The following ATP8B1 variants were observed in gnomAD, a reference collection of about 807,000 sequenced individuals.
ATP8B1 encodes ATPase phospholipid transporting 8B1, also known as phospholipid-transporting ATPase IC.
In ATP8B1, 80 loss-of-function variants were observed where a neutral mutation model predicts 149.9. The observed-to-expected ratio is 0.53, with a 90% CI of 0.45 to 0.64. The LOEUF (loss-of-function observed/expected upper bound fraction) is 0.64, where lower values mean the gene tolerates loss of function less well. Among genes scored for constraint, ATP8B1 ranks in the 30% least tolerant of loss-of-function variants. ATP8B1 has a pLI of 0.00. For synonymous variants in ATP8B1, 536 were observed against 562.8 expected, an observed-to-expected ratio of 0.95 and a Z score of 0.67; for missense variants, 1,247 against 1,552.6, an observed-to-expected ratio of 0.80 and a Z score of 3.31.
At chr18:57,661,044 T>G (rs1431819747) in intron 22 of ATP8B1, 130 bp downstream of exon 22, 5 of 1,291,984 alleles carry the variant, frequency 3.9e-6, no homozygotes, top group Non-Finnish European at 3.2e-6. Flanking sequence ...GTTAAGTGAC[T>G]TTATGAAACA....
chr18:57,776,698 A>G (rs192094565), intron 1 of ATP8B1, among the ~76,000 whole-genome samples: 75 of 152,194 alleles, frequency 4.9e-4, no homozygotes, highest in East Asian at 9.6e-4. Flanking sequence ...AAAAAAAAAA[A>G]AAAGAAAGAA....
At chr18:57,753,938 AAAAAAAAAAAG>A (rs1345918287) in intron 1 of ATP8B1, among the ~76,000 whole-genome samples, 1 of 49,600 alleles carries the variant, frequency 2.0e-5, no homozygotes, top group Non-Finnish European at 3.7e-5. Context: ...TCTCAAAAAA[AAAAAAAAAAAG>A]AAAGAAAGAA....
At chr18:57,668,176 G>T in intron 19 of ATP8B1, 1 of 1,416,448 alleles carries the variant, frequency 7.1e-7, no homozygotes, top group South Asian at 1.2e-5. Context: ...GGAGAGATAA[G>T]ACCAATTATA....
chr18:57,778,856 C>T (rs1452101501), intron 1 of ATP8B1, among the ~76,000 whole-genome samples: 1 of 152,128 alleles, frequency 6.6e-6, no homozygotes, highest in East Asian at 1.9e-4. Flanking sequence ...TCACTGTGGC[C>T]ATATTTTATT....
intron 22 of ATP8B1, among the ~76,000 whole-genome samples, chr18:57,659,251 G>A (rs189790590): frequency 6.6e-6 from 1 of 152,236 alleles, no homozygotes; most frequent in Non-Finnish European, 1.5e-5. Context: ...ACCCCAGCCT[G>A]GGCCACAGAG....
intron 1 of ATP8B1, among the ~76,000 whole-genome samples, chr18:57,751,049 G>A (rs985721427): frequency 6.6e-6 from 1 of 152,166 alleles, no homozygotes; most frequent in South Asian, 2.1e-4. Flanking sequence ...CTTGAGCCCA[G>A]GAGGCAGAGG....
At chr18:57,801,668 C>A (rs2080575890) in intron 1 of ATP8B1, among the ~76,000 whole-genome samples, 1 of 152,150 alleles carries the variant, frequency 6.6e-6, no homozygotes, top group Non-Finnish European at 1.5e-5. Context: ...AAGCAGTTAA[C>A]CTTCATCGAT....
chr18:57,690,705 GAC>G (rs1271999492), intron 12 of ATP8B1, among the ~76,000 whole-genome samples: 1 of 152,148 alleles, frequency 6.6e-6, no homozygotes, highest in Non-Finnish European at 1.5e-5. Flanking sequence ...CACATATAAT[GAC>G]ACTAAAATAA....
intron 12 of ATP8B1, among the ~76,000 whole-genome samples, chr18:57,689,340 C>G (rs1282209333): frequency 1.3e-5 from 2 of 152,070 alleles, no homozygotes; most frequent in African/African-American, 4.8e-5. Flanking sequence ...TGGCAAATAC[C>G]CCAAATCATG....
intron 1 of ATP8B1, among the ~76,000 whole-genome samples, chr18:57,798,175 A>G (rs1255377445): frequency 6.6e-6 from 1 of 152,210 alleles, no homozygotes; most frequent in African/African-American, 2.4e-5. Flanking sequence ...ATCCACAACT[A>G]AGAAAACCAC....
chr18:57,669,657 T>G (rs1911110788), intron 17 of ATP8B1, among the ~76,000 whole-genome samples, 175 bp from the exon 18 acceptor site: 1 of 129,208 alleles, frequency 7.7e-6, no homozygotes, highest in African/African-American at 3.6e-5. Flanking sequence ...AATGTCACTT[T>G]TTTTTTTTTT....
At chr18:57,770,742 G>A (rs2080256757) in intron 1 of ATP8B1, among the ~76,000 whole-genome samples, 1 of 152,254 alleles carries the variant, frequency 6.6e-6, no homozygotes, top group African/African-American at 2.4e-5. Flanking sequence ...CAGATCGCAA[G>A]TTCATGGCAA....
At chr18:57,716,022 GAAC>G (rs1230362268) in intron 2 of ATP8B1, among the ~76,000 whole-genome samples, 2 of 152,110 alleles carry the variant, frequency 1.3e-5, no homozygotes, top group South Asian at 2.1e-4. Flanking sequence ...ATAGTGACTA[GAAC>G]AACTTTTCAA....
intron 1 of ATP8B1, among the ~76,000 whole-genome samples, chr18:57,756,236 CATATAT>C (rs376210260): frequency 4.7e-5 from 5 of 106,148 alleles, no homozygotes; most frequent in African/African-American, 8.0e-5. Context: ...CACACACACA[CATATAT>C]ACACACACAC....
chr18:57,721,874 G>C, intron 2 of ATP8B1, among the ~76,000 whole-genome samples: 1 of 101,794 alleles, frequency 9.8e-6, no homozygotes, highest in African/African-American at 4.2e-5. Flanking sequence ...AAATGTAAAA[G>C]AACAGAAATT....
chr18:57,715,258 T>C (rs1169627134), intron 2 of ATP8B1, among the ~76,000 whole-genome samples: 2 of 152,004 alleles, frequency 1.3e-5, no homozygotes, highest in Non-Finnish European at 2.9e-5. Context: ...AATACCAGGA[T>C]TGAATAAGTG....
intron 1 of ATP8B1, among the ~76,000 whole-genome samples, chr18:57,750,980 C>T (rs150137796): frequency 3.3e-5 from 5 of 152,096 alleles, no homozygotes; most frequent in Admixed American, 6.6e-5. Context: ...ATTAGCCGGG[C>T]GTGGTGGCGC....
intron 2 of ATP8B1, 58 bp downstream of exon 2, chr18:57,731,569 G>T: frequency 6.3e-7 from 1 of 1,579,274 alleles, no homozygotes; most frequent in Non-Finnish European, 8.7e-7. Context: ...GGCACGTGTG[G>T]CCATGACCCA....
chr18:57,730,834 T>C (rs1311734319), intron 2 of ATP8B1, among the ~76,000 whole-genome samples: 6 of 750 alleles, frequency 8.0e-3, no homozygotes, highest in Admixed American at 0.043. Context: ...TATATATATA[T>C]ACACACACAC....
Sources: gnomAD v4.1 joint callset for allele counts (sites outside exome capture counted in the v4.1 genomes callset) on GRCh38, gnomAD v4.1.1 for gene constraint, MANE v1.5 for transcripts, NCBI Gene and HGNC (gene_info 2026-07-23, HGNC 2026-07-21) for gene names.